SLC17A5: variants seen among roughly 807,000 people sequenced by gnomAD.
SLC17A5 encodes sialin.
In SLC17A5, 47 loss-of-function variants were observed where a neutral mutation model predicts 59.4. The observed-to-expected ratio is 0.79, with a 90% CI of 0.63 to 1.01. The LOEUF (loss-of-function observed/expected upper bound fraction) is 1.01, where lower values mean the gene tolerates loss of function less well. Among genes scored for constraint, SLC17A5 ranks in the 50% least tolerant of loss-of-function variants. SLC17A5 has a pLI of 0.00. For missense variants in SLC17A5, 522 were observed against 595.5 expected (o/e 0.88, Z 1.28); for synonymous variants, 202 against 210.7 (o/e 0.96, Z 0.36).
At chr6:73,597,046 A>C (rs1246757546) in intron 10 of SLC17A5, among the ~76,000 whole-genome samples, 1 of 152,080 alleles carries the variant, frequency 6.6e-6, no homozygotes, top group Non-Finnish European at 1.5e-5. Flanking sequence ...CTGTAATCCC[A>C]GCTACTCGGG....
intron 9 of SLC17A5, among the ~76,000 whole-genome samples, chr6:73,608,675 C>T (rs1169748501): frequency 6.6e-6 from 1 of 152,204 alleles, no homozygotes; most frequent in Non-Finnish European, 1.5e-5. Flanking sequence ...CCAAAACTCT[C>T]AATTCCCATA....
intron 5 of SLC17A5, 70 bp from the exon 6 acceptor site, chr6:73,635,570 C>T: frequency 1.3e-6 from 1 of 784,478 alleles, no homozygotes; most frequent in Non-Finnish European, 2.0e-6. Context: ...AAAACAAAAA[C>T]ACAAAATTAG....
intron 7 of SLC17A5, 132 bp from the exon 8 acceptor site, chr6:73,615,579 A>G: frequency 1.1e-6 from 1 of 897,166 alleles, no homozygotes; most frequent in Non-Finnish European, 1.8e-6. Context: ...ATTTTTTAAT[A>G]TAATTACAGT....
intron 8 of SLC17A5, among the ~76,000 whole-genome samples, chr6:73,613,897 T>C (rs989762346): frequency 3.9e-5 from 6 of 152,110 alleles, no homozygotes; most frequent in South Asian, 2.1e-4. Context: ...AGCAGCAGGA[T>C]TGCTGAAGGC....
chr6:73,648,137 T>C lies in SLC17A5; in HGVS notation c.95-3534A>G, dbSNP rs564307828. Among the ~76,000 whole-genome samples the C allele has an allele frequency of 2.6e-5, 4 of 152,202 alleles. No homozygotes were observed. In the South Asian group the frequency reaches 8.3e-4, roughly 32 times the overall value. ...TATATTACTATGAGATTCTAAGAAA[T>C]ATTAAAAATAAACAATTACTAGCTA... On this transcript the variant is annotated intron_variant, in intron 1 of 10. Transcript: ENST00000355773.
At chr6:73,595,578 A>G (rs1344511577) in intron 10 of SLC17A5, among the ~76,000 whole-genome samples, 1 of 152,170 alleles carries the variant, frequency 6.6e-6, no homozygotes, top group Non-Finnish European at 1.5e-5. Context: ...GGTGAAGGAA[A>G]AATAGGAGGA....
In SLC17A5 at chr6:73,645,492, TA is replaced by T. The variant is rs891905259; in HGVS notation, c.95-890del. 166 of 972,602 alleles carry T rather than the reference TA, an allele frequency of 1.7e-4. No homozygotes were observed. The African/African-American group carries it at 1.9e-3, about 11-fold the overall frequency. 60.2% of individuals were successfully genotyped at this position (972,602 alleles called of 1,614,324 possible). A position where few individuals can be genotyped will look rare whatever the true frequency, so the allele number is the denominator to read the frequency against. On this transcript the variant is annotated intron_variant, in intron 1 of 10. Coordinates refer to ENST00000355773, the MANE Select transcript of SLC17A5 (RefSeq NM_012434.5). The stretch of plus-strand genomic sequence containing the variant: ...AAATCAGTGAATGTACCACCATGAT[TA>T]AAAAAAAAGGATGCCGGGCACAGTG...
intron 7 of SLC17A5, among the ~76,000 whole-genome samples, chr6:73,618,997 G>A (rs1768008262): frequency 6.6e-6 from 1 of 152,106 alleles, no homozygotes; most frequent in Non-Finnish European, 1.5e-5. Context: ...AAAGTGCTAG[G>A]TGCGTGAGCC....
chr6:73,653,446 T>C, intron 1 of SLC17A5: 1 of 985,320 alleles, frequency 1.0e-6, no homozygotes, highest in South Asian at 4.7e-5. Flanking sequence ...CTGGGTCCCT[T>C]GCTCAGCACT....
At chr6:73,622,889 C>A (rs1262084487) in intron 6 of SLC17A5, among the ~76,000 whole-genome samples, 2 of 152,044 alleles carry the variant, frequency 1.3e-5, no homozygotes, top group Non-Finnish European at 2.9e-5. Flanking sequence ...AATAAAAAAA[C>A]ACACTCTATT....
chr6:73,636,621 C>CA lies in SLC17A5; in HGVS notation c.699dup (p.Gly234TrpfsTer16). The CA allele has an allele frequency of 1.9e-6, 3 of 1,553,686 alleles. No homozygotes were observed. Among genetic ancestry groups the CA allele is most frequent in the South Asian group, 1.1e-5 (1 of 89,248 alleles). ...AATTTAGTTAAAATTTTAAACTTAC[C>CA]AAAAAAGTAGAAGACATAAGTCCAA... On this transcript the variant is annotated frameshift_variant and splice_region_variant, in exon 5 of 11. Coordinates refer to ENST00000355773, the MANE Select transcript of SLC17A5 (RefSeq NM_012434.5). LOFTEE classifies it high-confidence loss of function.
chr6:73,635,938 A>G (rs1002284671), intron 5 of SLC17A5, among the ~76,000 whole-genome samples: 1 of 151,954 alleles, frequency 6.6e-6, no homozygotes, highest in Non-Finnish European at 1.5e-5. Flanking sequence ...ATGGGGTTCC[A>G]CCATGTTGGC....
intron 4 of SLC17A5, 66 bp downstream of exon 4, chr6:73,638,346 C>T: frequency 8.8e-7 from 1 of 1,133,946 alleles, no homozygotes; most frequent in East Asian, 2.4e-5. Flanking sequence ...GGTATGCAGG[C>T]CCTTTTTCCC....
intron 9 of SLC17A5, among the ~76,000 whole-genome samples, chr6:73,608,280 T>G (rs1767487899): frequency 6.6e-6 from 1 of 152,138 alleles, no homozygotes; most frequent in Non-Finnish European, 1.5e-5. Flanking sequence ...TGGGGTTGGT[T>G]CATGTGACTC....
rs781241076 is a variant in SLC17A5 at position 73,641,920 on chromosome 6, T to A, written c.296A>T (p.Lys99Met). Reference protein sequence around the residue: ...PIKVHHNQTGKKYQWDAETQG... With the variant: ...PIKVHHNQTGMKYQWDAETQG... ...AGTTTCTGCATCCCATTGGTACTTC[T>A]TACCCTACAAAAATCAGAAAAGAAT... The change falls in exon 3 of 11, where the codon AAG becomes ATG. Residue 99 changes from lysine to methionine, a missense_variant. Physicochemically the swap from Lys to Met is moderately conservative, Grantham distance 95. This residue lies in a region of SLC17A5 where 338 missense variants were observed against 363.8 expected (regional missense o/e 0.93). Transcript: ENST00000355773. The A allele has an allele frequency of 1.9e-6, 3 of 1,613,552 alleles. No individual in the cohort carries two copies. The Admixed American group carries it at 5.0e-5, about 27-fold the overall frequency.
intron 8 of SLC17A5, among the ~76,000 whole-genome samples, chr6:73,613,609 A>C (rs891526108): frequency 6.6e-5 from 10 of 152,178 alleles, no homozygotes; most frequent in African/African-American, 2.4e-4. Flanking sequence ...TGATCTGCTC[A>C]CCTCAGCCTC....
intron 8 of SLC17A5, among the ~76,000 whole-genome samples, chr6:73,612,115 C>T (rs1767662068): frequency 6.6e-6 from 1 of 151,828 alleles, no homozygotes; most frequent in Non-Finnish European, 1.5e-5. Context: ...CAGGTGTAAG[C>T]AAGTCTTGTG....
intron 6 of SLC17A5, among the ~76,000 whole-genome samples, chr6:73,632,221 C>G (rs1292646934): frequency 6.9e-6 from 1 of 145,896 alleles, no homozygotes. Flanking sequence ...ACTGCTTGAA[C>G]CTGTAGGGTT....
intron 6 of SLC17A5, among the ~76,000 whole-genome samples, chr6:73,633,932 G>GA (rs199697743): frequency 0.16 from 24,719 of 151,542 alleles, 3,095 homozygotes; most frequent in African/African-American, 0.35. Context: ...AATTTAATAG[G>GA]AAAAGTCTTA....
Sources: allele counts gnomAD v4.1 joint callset (sites outside exome capture counted in the v4.1 genomes callset), GRCh38; gene constraint gnomAD v4.1.1; regional missense constraint gnomAD v4.1.1; transcripts MANE v1.5; gene names NCBI Gene and HGNC (gene_info 2026-07-23, HGNC 2026-07-21).